ATP1B3: variants seen among roughly 807,000 people sequenced by gnomAD.
The protein encoded by ATP1B3 is sodium/potassium-transporting ATPase subunit beta-3.
Under a neutral mutation model 30.2 loss-of-function variants are expected in ATP1B3, and 10 were observed. That is an observed-to-expected ratio of 0.33 (90% CI 0.20 to 0.56). ATP1B3 has a LOEUF of 0.56. ATP1B3 is among the 20% of genes least tolerant of loss of function. ATP1B3 has a pLI of 0.90. For missense variants in ATP1B3, 238 were observed against 336.7 expected (o/e 0.71, Z 2.29); for synonymous variants, 113 against 117.0 (o/e 0.97, Z 0.22).
At chr3:141,902,602 T>C (rs1280986294) in intron 1 of ATP1B3, among the ~76,000 whole-genome samples, 1 of 152,244 alleles carries the variant, frequency 6.6e-6, no homozygotes, top group Admixed American at 6.5e-5. Context: ...ATTTTAAGTG[T>C]TCCCAAAGTA....
intron 1 of ATP1B3, among the ~76,000 whole-genome samples, chr3:141,883,254 G>A (rs1028128146): frequency 1.3e-5 from 2 of 152,146 alleles, no homozygotes; most frequent in East Asian, 3.9e-4. Flanking sequence ...TTGGGAAGCC[G>A]AAGTGGGCGG....
At chr3:141,911,492 C>CTTTTTTTTTTTTT (rs60462262) in intron 3 of ATP1B3, among the ~76,000 whole-genome samples, 1 of 140,770 alleles carries the variant, frequency 7.1e-6, no homozygotes. Context: ...TTATCTTGGT[C>CTTTTTTTTTTTTT]TTTTTTTTTT....
intron 1 of ATP1B3, among the ~76,000 whole-genome samples, chr3:141,897,766 A>G (rs967967517): frequency 5.3e-5 from 8 of 152,058 alleles, no homozygotes; most frequent in East Asian, 3.9e-4. Flanking sequence ...CTGGAGTGCA[A>G]TGGCACAATC....
At chr3:141,895,188 C>CTTA (rs1553744171) in intron 1 of ATP1B3, among the ~76,000 whole-genome samples, 1 of 121,436 alleles carries the variant, frequency 8.2e-6, no homozygotes, top group Non-Finnish European at 1.8e-5. Flanking sequence ...TCTTTCTTTT[C>CTTA]TTTTTTTTTT....
At chr3:141,913,595 GGTT>G in intron 3 of ATP1B3, 54 bp from the exon 4 acceptor site, 1 of 1,392,050 alleles carries the variant, frequency 7.2e-7, no homozygotes, top group Non-Finnish European at 9.7e-7. Context: ...ATATATTCCT[GGTT>G]GTTTTTAGTA....
intron 1 of ATP1B3, among the ~76,000 whole-genome samples, chr3:141,877,831 C>CT (rs56245712): frequency 0.41 from 57,816 of 140,076 alleles, 12,083 homozygotes; most frequent in African/African-American, 0.52. Flanking sequence ...CAGGCTAGAG[C>CT]TTTTTTTTTT....
In ATP1B3 at chr3:141,876,736, G is replaced by C; in HGVS notation, c.-66G>C. 5 of 1,307,524 alleles carry C rather than the reference G, an allele frequency of 3.8e-6. No homozygotes were observed. The highest frequency in any genetic ancestry group is 1.2e-5 in the South Asian group (1 of 80,562). The allele number at this position is 1,307,524 out of a possible 1,614,324, so 81.0% of individuals were successfully genotyped here. A position where few individuals can be genotyped will look rare whatever the true frequency, so the allele number is the denominator to read the frequency against. On this transcript the variant is annotated 5_prime_UTR_variant, in exon 1 of 7. Coordinates refer to ENST00000286371, the MANE Select transcript of ATP1B3 (RefSeq NM_001679.4). ...GGCTGCGCCGCCGGAGCCGGGACGCGCCTCCGCAGCCCTCGCCGCCTCCAT... is the reference window on the plus strand; with the variant it reads ...GGCTGCGCCGCCGGAGCCGGGACGCCCCTCCGCAGCCCTCGCCGCCTCCAT...
intron 5 of ATP1B3, among the ~76,000 whole-genome samples, chr3:141,917,515 GA>G (rs2107778290): frequency 6.6e-6 from 1 of 151,976 alleles, no homozygotes; most frequent in South Asian, 2.1e-4. Context: ...CCAACATACT[GA>G]AACCTCGTCT....
At chr3:141,904,957 C>T (rs547976785) in intron 2 of ATP1B3, among the ~76,000 whole-genome samples, 2 of 152,092 alleles carry the variant, frequency 1.3e-5, no homozygotes, top group South Asian at 2.1e-4. Flanking sequence ...GCGATCCACC[C>T]GCCTCGGCCT....
chr3:141,919,306 CAG>C (rs1934524668), intron 5 of ATP1B3, among the ~76,000 whole-genome samples: 2 of 150,718 alleles, frequency 1.3e-5, no homozygotes, highest in African/African-American at 4.9e-5. Flanking sequence ...TCCATAGAGA[CAG>C]GGTGTCACCA....
At chr3:141,908,609 C>A (rs1483457487) in intron 3 of ATP1B3, among the ~76,000 whole-genome samples, 2 of 152,224 alleles carry the variant, frequency 1.3e-5, no homozygotes, top group African/African-American at 4.8e-5. Flanking sequence ...GCCCCTGCCC[C>A]TGAGCAGATA....
intron 3 of ATP1B3, among the ~76,000 whole-genome samples, chr3:141,910,323 T>C (rs1934336838): frequency 6.6e-6 from 1 of 152,202 alleles, no homozygotes; most frequent in Admixed American, 6.5e-5. Flanking sequence ...CTGAACTTTT[T>C]CTTACGGTGT....
chr3:141,893,167 CCTGA>C (rs1933991032), intron 1 of ATP1B3, among the ~76,000 whole-genome samples: 1 of 152,052 alleles, frequency 6.6e-6, no homozygotes, highest in African/African-American at 2.4e-5. Flanking sequence ...CACCACCACA[CCTGA>C]CTAATTTTTT....
intron 1 of ATP1B3, among the ~76,000 whole-genome samples, chr3:141,893,537 T>C (rs1283775601): frequency 1.3e-5 from 2 of 152,156 alleles, no homozygotes; most frequent in Non-Finnish European, 2.9e-5. Flanking sequence ...CCCACTGTCA[T>C]AGAATACCTG....
intron 5 of ATP1B3, among the ~76,000 whole-genome samples, chr3:141,919,496 A>G (rs1934528066): frequency 6.6e-6 from 1 of 152,136 alleles, no homozygotes; most frequent in African/African-American, 2.4e-5. Context: ...TTTTTTTCTC[A>G]GTGTTTTATT....
rs1273357872 is a variant in ATP1B3 at position 141,911,772 on chromosome 3, G to A, written c.347-1880G>A. Among the ~76,000 whole-genome samples, 10 of 152,318 alleles carry A rather than the reference G, an allele frequency of 6.6e-5. No homozygotes were observed. The South Asian group carries it at 1.9e-3, about 28-fold the overall frequency. On this transcript the variant is annotated intron_variant, in intron 3 of 6. Coordinates refer to ENST00000286371, the MANE Select transcript of ATP1B3 (RefSeq NM_001679.4). Reference sequence around the variant, plus strand: ...AGCCTCCCAAAGTGCTGGGATTTCAGGCATGAGCCACTGCGCTCGGCCTTT... The same window carrying A: ...AGCCTCCCAAAGTGCTGGGATTTCAAGCATGAGCCACTGCGCTCGGCCTTT...
chr3:141,883,937 A>G (rs1216168876), intron 1 of ATP1B3, among the ~76,000 whole-genome samples: 1 of 152,176 alleles, frequency 6.6e-6, no homozygotes, highest in Non-Finnish European at 1.5e-5. Context: ...GGTTTGTGAC[A>G]TGCCTGGATC....
At chr3:141,918,648 AG>A (rs1260017175) in intron 5 of ATP1B3, 1 of 152,188 alleles carries the variant, frequency 6.6e-6, no homozygotes, top group East Asian at 1.9e-4. Flanking sequence ...CATGTTGGCC[AG>A]GATGGTCTCG....
At chr3:141,918,015 G>T (rs981456025) in intron 5 of ATP1B3, among the ~76,000 whole-genome samples, 2 of 151,928 alleles carry the variant, frequency 1.3e-5, no homozygotes, top group Non-Finnish European at 2.9e-5. Flanking sequence ...TGATCCGCCC[G>T]CCTCAGCCTC....
Sources: allele counts gnomAD v4.1 joint callset (sites outside exome capture counted in the v4.1 genomes callset), GRCh38; gene constraint gnomAD v4.1.1; transcripts MANE v1.5; gene names NCBI Gene and HGNC (gene_info 2026-07-23, HGNC 2026-07-21).